The following DNMT3B variants were observed in gnomAD, a reference collection of about 807,000 sequenced individuals.
The protein encoded by DNMT3B is DNA methyltransferase 3 beta, also known as DNA (cytosine-5)-methyltransferase 3B.
In DNMT3B, 37 loss-of-function variants were observed where a neutral mutation model predicts 120.2. The ratio of observed to expected loss-of-function variants is 0.31; its 90% CI spans 0.24 to 0.40. The LOEUF is 0.40. DNMT3B is among the 10% of genes least tolerant of loss of function. The pLI is 1.00. For missense variants in DNMT3B, 878 were observed against 1,137.3 expected (o/e 0.77, Z 3.28); for synonymous variants, 412 against 442.8 (o/e 0.93, Z 0.87).
intron 9 of DNMT3B, among the ~76,000 whole-genome samples, chr20:32,793,269 G>A (rs1462009014): frequency 6.6e-6 from 1 of 152,128 alleles, no homozygotes. Flanking sequence ...TGAGGCGAGT[G>A]GATCACTTGA....
rs1357463900 is a variant in DNMT3B, at chr20:32,799,414, CAT to C, written c.1759+87_1759+88del. ...CAGAAGGCATGGTTAAGGTGTCTGA[CAT>C]CAGTGGCAAGAAAGGTCCCTGGGGA... On this transcript the variant is annotated intron_variant, in intron 16 of 22. Coordinates refer to ENST00000328111, the MANE Select transcript of DNMT3B (RefSeq NM_006892.4). 9 of 1,461,536 alleles carry C rather than the reference CAT, an allele frequency of 6.2e-6. No homozygotes were observed. In the African/African-American group the frequency reaches 1.2e-4, roughly 20 times the overall value. The allele number at this position is 1,461,536 out of a possible 1,614,324, so 90.5% of individuals were successfully genotyped here.
intron 1 of DNMT3B, among the ~76,000 whole-genome samples, chr20:32,776,232 G>GAA (rs35285794): frequency 7.0e-6 from 1 of 142,096 alleles, no homozygotes; most frequent in Non-Finnish European, 1.6e-5. Flanking sequence ...CTTAAAAAAA[G>GAA]AAAAAAAAAA....
chr20:32,799,720 G>A (rs1415943857), intron 16 of DNMT3B, among the ~76,000 whole-genome samples: 2 of 152,100 alleles, frequency 1.3e-5, no homozygotes, highest in Non-Finnish European at 2.9e-5. Flanking sequence ...GTTTCTCCAC[G>A]TTGGTCAGGT....
intron 10 of DNMT3B, among the ~76,000 whole-genome samples, chr20:32,794,735 A>G (rs1429539395): frequency 6.6e-6 from 1 of 152,218 alleles, no homozygotes; most frequent in Non-Finnish European, 1.5e-5. Flanking sequence ...CAGCTATTAT[A>G]AAAACTGAGA....
rs901267578 is a variant in DNMT3B, at chr20:32,790,432, T to C, written c.814-1169T>C. On this transcript the variant is annotated intron_variant, in intron 7 of 22. Coordinates refer to ENST00000328111, the MANE Select transcript of DNMT3B (RefSeq NM_006892.4). The stretch of plus-strand genomic sequence containing the variant: ...GGGGATGAGATGACAATATGGGACC[T>C]GGGTCTGGCCTGGGCAAGTGCCTGC... Among the ~76,000 whole-genome samples the C allele has an allele frequency of 5.3e-5, 8 of 152,300 alleles. 1 individual carries two copies. The highest frequency in any genetic ancestry group is 1.7e-4 in the African/African-American group (7 of 41,566).
At chr20:32,768,967 A>ATGT (rs528923795) in intron 1 of DNMT3B, among the ~76,000 whole-genome samples, 61 of 152,318 alleles carry the variant, frequency 4.0e-4, no homozygotes, top group African/African-American at 1.4e-3. Context: ...TTGCCCTAGG[A>ATGT]TGTTACATGC....
chr20:32,796,938 C>T (rs1424355390), intron 13 of DNMT3B, 69 bp downstream of exon 13: 3 of 1,613,998 alleles, frequency 1.9e-6, no homozygotes, highest in East Asian at 2.2e-5. Context: ...TCCTTCCCAA[C>T]AGCACCTGTG....
intron 3 of DNMT3B, among the ~76,000 whole-genome samples, chr20:32,782,793 G>T (rs930897917): frequency 7.9e-5 from 12 of 152,280 alleles, no homozygotes; most frequent in African/African-American, 2.9e-4. Flanking sequence ...GGGGGGTCTT[G>T]CATGTATCCC....
rs1391574257 is a variant in DNMT3B, at chr20:32,806,363, AG to A, written c.2420+37del. On this transcript the variant is annotated intron_variant, in intron 22 of 22. Coordinates refer to ENST00000328111, the MANE Select transcript of DNMT3B (RefSeq NM_006892.4). ...CTGCACTTGGAGAGGGAAACTGTGT[AG>A]ATCAAAACACAAATGGGCAGACATG... The A allele has an allele frequency of 3.1e-6, 5 of 1,590,592 alleles. No homozygotes were observed. In the African/African-American group the frequency reaches 6.7e-5, roughly 21 times the overall value.
At position 32,768,251 on chromosome 20, in the gene DNMT3B, A is replaced by C. The variant is rs927604797; in HGVS notation, c.-7+5552A>C. 3.4e-5 allele frequency among the ~76,000 whole-genome samples: 5 copies of C among 148,850 alleles called. No homozygotes were observed. In the Admixed American group the frequency reaches 3.4e-4, roughly 10 times the overall value. On this transcript the variant is annotated intron_variant, in intron 1 of 22. Transcript: ENST00000328111. Reference sequence around the variant, plus strand: ...ACTCTTGTCGCCCAGGCTGGAGTGCAATGGCGGGATCTCGGCTCACCACAA... The same window carrying C: ...ACTCTTGTCGCCCAGGCTGGAGTGCCATGGCGGGATCTCGGCTCACCACAA...
intron 12 of DNMT3B, among the ~76,000 whole-genome samples, chr20:32,795,904 G>A (rs1036400893): frequency 6.6e-6 from 1 of 152,232 alleles, no homozygotes; most frequent in South Asian, 2.1e-4. Flanking sequence ...TACAGGAAGG[G>A]TATGGTGAGG....
At chr20:32,780,275 C>T (rs115990549) in intron 1 of DNMT3B, 43 bp from the exon 2 acceptor site, 1 of 1,613,640 alleles carries the variant, frequency 6.2e-7, no homozygotes. Context: ...CCTCTCATGT[C>T]CCTGCTTCCC....
At chr20:32,791,055 A>T (rs2145973315) in intron 7 of DNMT3B, among the ~76,000 whole-genome samples, 1 of 152,360 alleles carries the variant, frequency 6.6e-6, no homozygotes, top group East Asian at 1.9e-4. Context: ...GTACATCAGG[A>T]GACTTGTGGA....
chr20:32,763,833 G>C (rs1449090403), intron 1 of DNMT3B, among the ~76,000 whole-genome samples: 2 of 152,162 alleles, frequency 1.3e-5, no homozygotes, highest in Admixed American at 6.5e-5. Context: ...CCCCGAAGCT[G>C]GGAAGTGTTT....
rs1981976264 is a variant in DNMT3B at position 32,806,295 on chromosome 20, A to G, written c.2388A>G (p.Lys796=). ...TTTTCCCTGTTGTCATGAATGGCAAAGAAGATGTTTTGTGGTGCACTGAGC... is the reference window on the plus strand; with the variant it reads ...TTTTCCCTGTTGTCATGAATGGCAAGGAAGATGTTTTGTGGTGCACTGAGC... The part of the protein sequence containing the change: ...NQLFPVVMNG[K]EDVLWCTELE... The change falls in exon 22 of 23, where the codon AAA becomes AAG. Residue 796 remains lysine, a synonymous_variant. Coordinates refer to ENST00000328111, the MANE Select transcript of DNMT3B (RefSeq NM_006892.4). The G allele has an allele frequency of 2.5e-6, 4 of 1,614,120 alleles. No homozygotes were observed. In the South Asian group the frequency reaches 4.4e-5, roughly 18 times the overall value.
intron 2 of DNMT3B, 53 bp downstream of exon 2, chr20:32,780,518 T>C (rs1978484606): frequency 1.3e-6 from 2 of 1,598,936 alleles, no homozygotes; most frequent in Admixed American, 3.4e-5. Context: ...TAGTGAGCGG[T>C]CACTGCAGAC....
Position 32,787,406 on chromosome 20 carries a change from G to T in DNMT3B, c.609G>T (p.Pro203=). 2 of 1,614,224 alleles carry T rather than the reference G, an allele frequency of 1.2e-6. No individual in the cohort carries two copies. The highest frequency in any genetic ancestry group is 1.7e-6 in the Non-Finnish European group (2 of 1,180,042). Residue 203 remains proline (P), a synonymous_variant, in exon 6 of 23, where the codon CCG becomes CCT. Coordinates refer to ENST00000328111, the MANE Select transcript of DNMT3B (RefSeq NM_006892.4). ...GCCAGCAGGGGGGCATGGAGTCCCC[G>T]CAGGTGGAGGCAGACAGTGGAGATG... ...QDSQQGGMES[P]QVEADSGDGD...
chr20:32,804,248 G>C (rs950442111), intron 20 of DNMT3B, among the ~76,000 whole-genome samples: 3 of 152,162 alleles, frequency 2.0e-5, no homozygotes, highest in Non-Finnish European at 4.4e-5. Context: ...TCATTTAGGG[G>C]ACAGACCCAA....
chr20:32,777,274 G>C (rs1215786963), intron 1 of DNMT3B, among the ~76,000 whole-genome samples: 1 of 152,080 alleles, frequency 6.6e-6, no homozygotes, highest in Admixed American at 6.6e-5. Flanking sequence ...TATGGGTTTT[G>C]GAAGGTGTGC....
Sources: gnomAD v4.1 joint callset for allele counts (sites outside exome capture counted in the v4.1 genomes callset) on GRCh38, gnomAD v4.1.1 for gene constraint, MANE v1.5 for transcripts, NCBI Gene and HGNC (gene_info 2026-07-23, HGNC 2026-07-21) for gene names.